Variants in CSTPP1 observed in about 807,000 individuals in gnomAD.
The protein encoded by CSTPP1 is centriolar satellite-associated tubulin polyglutamylase complex regulator 1.
At chr11:47,037,802 G>A in the CSTPP1 span, among the ~76,000 whole-genome samples, 152 of 127,426 alleles carry the variant, frequency 1.2e-3, 13 homozygotes, top group African/African-American at 3.2e-3. Context: ...ACACAGACAC[G>A]GCAACCATCC....
the CSTPP1 span, chr11:47,164,059 A>G: frequency 6.3e-7 from 1 of 1,579,970 alleles, no homozygotes; most frequent in South Asian, 1.1e-5. Flanking sequence ...TTAAAGGGCC[A>G]ACTAATGCCA....
At chr11:46,951,700 G>T in the CSTPP1 span, among the ~76,000 whole-genome samples, 1 of 152,062 alleles carries the variant, frequency 6.6e-6, no homozygotes, top group Non-Finnish European at 1.5e-5. Context: ...TACCCATGAA[G>T]ATGGATGTTA....
the CSTPP1 span, among the ~76,000 whole-genome samples, chr11:47,163,173 T>TAAAA: frequency 4.6e-5 from 5 of 108,224 alleles, no homozygotes; most frequent in Non-Finnish European, 5.6e-5. Context: ...GAGACCATCT[T>TAAAA]AAAAAAAAAA....
chr11:47,033,700 C>G, the CSTPP1 span, among the ~76,000 whole-genome samples: 9 of 152,328 alleles, frequency 5.9e-5, no homozygotes, highest in African/African-American at 2.2e-4. Context: ...TGGCTTTTTC[C>G]ATAACAACAG....
At chr11:47,141,866 G>A in the CSTPP1 span, among the ~76,000 whole-genome samples, 1 of 145,582 alleles carries the variant, frequency 6.9e-6, no homozygotes, top group African/African-American at 2.6e-5. Flanking sequence ...CCGGGAGGTG[G>A]AGGTTGCAGT....
chr11:46,992,573 C>CT, the CSTPP1 span, among the ~76,000 whole-genome samples: 9 of 152,018 alleles, frequency 5.9e-5, no homozygotes, highest in African/African-American at 1.2e-4. Flanking sequence ...TGATCTCATC[C>CT]TTTTTTATGG....
the CSTPP1 span, among the ~76,000 whole-genome samples, chr11:47,046,430 G>C: frequency 6.6e-6 from 1 of 151,808 alleles, no homozygotes; most frequent in African/African-American, 2.4e-5. Flanking sequence ...CTGTTTAAAA[G>C]AGCATCCAAA....
the CSTPP1 span, among the ~76,000 whole-genome samples, chr11:46,942,339 G>A: frequency 6.6e-6 from 1 of 152,210 alleles, no homozygotes; most frequent in Non-Finnish European, 1.5e-5. Flanking sequence ...CTGTGTATCT[G>A]GTTGGGTGTG....
the CSTPP1 span, among the ~76,000 whole-genome samples, chr11:46,951,446 G>T: frequency 6.6e-6 from 1 of 151,908 alleles, no homozygotes; most frequent in African/African-American, 2.4e-5. Context: ...ATAGGAGTGT[G>T]CTACCATGCC....
the CSTPP1 span, among the ~76,000 whole-genome samples, chr11:46,989,537 G>C: frequency 6.6e-6 from 1 of 152,196 alleles, no homozygotes; most frequent in African/African-American, 2.4e-5. Context: ...CAGGCCTCAA[G>C]TAATCCTCTC....
chr11:47,073,911 A>G, the CSTPP1 span, among the ~76,000 whole-genome samples: 1 of 152,234 alleles, frequency 6.6e-6, no homozygotes, highest in Non-Finnish European at 1.5e-5. Context: ...TATTGAGGGT[A>G]GAAGATTTCA....
the CSTPP1 span, chr11:46,987,453 C>T: frequency 1.5e-6 from 1 of 686,686 alleles, no homozygotes; most frequent in Non-Finnish European, 2.6e-6. Flanking sequence ...TTGTGGGCCG[C>T]CCAAACATGT....
chr11:47,090,139 G>T, the CSTPP1 span, among the ~76,000 whole-genome samples: 4 of 152,066 alleles, frequency 2.6e-5, no homozygotes, highest in Admixed American at 1.3e-4. Context: ...GTGCCACCAT[G>T]CCCAGCTAAT....
the CSTPP1 span, among the ~76,000 whole-genome samples, chr11:47,008,962 T>G: frequency 2.0e-5 from 3 of 150,056 alleles, no homozygotes; most frequent in Non-Finnish European, 4.4e-5. Context: ...ACCCAGGAGG[T>G]GGAACTTGCA....
chr11:47,161,215 GCCC>G, the CSTPP1 span: 2 of 1,614,154 alleles, frequency 1.2e-6, no homozygotes, highest in Non-Finnish European at 1.7e-6. Context: ...GGAGGATACT[GCCC>G]CCTTGTGGGG....
chr11:47,157,971 G>A, the CSTPP1 span: 1 of 1,523,904 alleles, frequency 6.6e-7, no homozygotes, highest in Non-Finnish European at 9.1e-7. Context: ...CACAACACAG[G>A]GAGCAGCTGG....
the CSTPP1 span, among the ~76,000 whole-genome samples, chr11:47,144,269 A>C: frequency 6.6e-6 from 1 of 151,980 alleles, no homozygotes; most frequent in Non-Finnish European, 1.5e-5. Flanking sequence ...GCTCGCTGCA[A>C]CCTCCGCCTC....
At chr11:46,950,488 A>G in the CSTPP1 span, among the ~76,000 whole-genome samples, 1 of 151,986 alleles carries the variant, frequency 6.6e-6, no homozygotes, top group East Asian at 1.9e-4. Flanking sequence ...ACTTTCTTTT[A>G]AATTCTAATC....
At chr11:46,943,918 G>A in the CSTPP1 span, among the ~76,000 whole-genome samples, 1 of 152,216 alleles carries the variant, frequency 6.6e-6, no homozygotes, top group Non-Finnish European at 1.5e-5. Context: ...TTACTCAGGA[G>A]GCGGAGGTGG....
Sources: allele counts gnomAD v4.1 joint callset (sites outside exome capture counted in the v4.1 genomes callset), GRCh38; gene constraint gnomAD v4.1.1; transcripts MANE v1.5; gene names NCBI Gene and HGNC (gene_info 2026-07-23, HGNC 2026-07-21).